The following OPCML variants were observed in gnomAD, a reference collection of about 807,000 sequenced individuals.
OPCML encodes opioid binding protein/cell adhesion molecule like.
A neutral mutation model predicts 37.8 loss-of-function variants in OPCML; 13 were observed. The ratio of observed to expected loss-of-function variants is 0.34; its 90% CI spans 0.22 to 0.55. The LOEUF is 0.55. Ranked by LOEUF, OPCML falls within the 20% of genes least tolerant of loss-of-function variation. The pLI, the probability that OPCML is intolerant of heterozygous loss-of-function variation, is 0.91. For synonymous variants in OPCML, 176 were observed against 168.8 expected, an observed-to-expected ratio of 1.04 and a Z score of -0.33; for missense variants, 341 against 435.6, an observed-to-expected ratio of 0.78 and a Z score of 1.93.
At chr11:132,849,338 C>A (rs2136323551) in intron 2 of OPCML, among the ~76,000 whole-genome samples, 1 of 152,272 alleles carries the variant, frequency 6.6e-6, no homozygotes, top group East Asian at 1.9e-4. Flanking sequence ...ATGCGGTTTC[C>A]TCACCTAGCC....
chr11:132,940,374 G>C (rs1945536787), intron 2 of OPCML, among the ~76,000 whole-genome samples: 1 of 152,218 alleles, frequency 6.6e-6, no homozygotes, highest in African/African-American at 2.4e-5. Flanking sequence ...TGATGGGCAT[G>C]GGTATCATTC....
chr11:132,548,131 C>A (rs1037036088), intron 3 of OPCML, among the ~76,000 whole-genome samples: 2 of 152,172 alleles, frequency 1.3e-5, no homozygotes, highest in African/African-American at 4.8e-5. Context: ...AATGGTTAAA[C>A]CATCTTTCCC....
chr11:132,498,808 C>T (rs1308892008), intron 4 of OPCML, among the ~76,000 whole-genome samples: 2 of 151,934 alleles, frequency 1.3e-5, no homozygotes, highest in Non-Finnish European at 2.9e-5. Flanking sequence ...TAATGTGTAT[C>T]AAGACACAGT....
intron 2 of OPCML, among the ~76,000 whole-genome samples, chr11:132,778,778 T>C (rs934617123): frequency 6.6e-6 from 1 of 152,134 alleles, no homozygotes; most frequent in South Asian, 2.1e-4. Flanking sequence ...TTAAAAGATA[T>C]GTCCAAAGTC....
At chr11:132,458,955 C>A (rs557927981) in intron 4 of OPCML, among the ~76,000 whole-genome samples, 1 of 152,252 alleles carries the variant, frequency 6.6e-6, no homozygotes, top group South Asian at 2.1e-4. Context: ...TTTGTGTACA[C>A]CAAAACTCAA....
chr11:133,512,789 C>A (rs1232013123), intron 1 of OPCML, among the ~76,000 whole-genome samples: 1 of 152,136 alleles, frequency 6.6e-6, no homozygotes, highest in African/African-American at 2.4e-5. Flanking sequence ...CTTAGGAGTT[C>A]CATGTCAGAA....
At chr11:133,005,737 A>G in intron 1 of OPCML, 1 of 979,986 alleles carries the variant, frequency 1.0e-6, no homozygotes, top group Non-Finnish European at 1.2e-6. Context: ...TCTTTTTAAA[A>G]AGCTTTTCTT....
chr11:133,155,004 T>G (rs1950036294), intron 1 of OPCML, among the ~76,000 whole-genome samples: 1 of 152,080 alleles, frequency 6.6e-6, no homozygotes, highest in African/African-American at 2.4e-5. Flanking sequence ...CCTGGGTTAG[T>G]GTAGATTGCT....
intron 1 of OPCML, among the ~76,000 whole-genome samples, chr11:133,292,888 G>C (rs1222985234): frequency 2.0e-5 from 3 of 152,090 alleles, no homozygotes; most frequent in Admixed American, 2.0e-4. Flanking sequence ...TTCATGCATG[G>C]GGATGCTCTG....
intron 3 of OPCML, among the ~76,000 whole-genome samples, chr11:132,610,506 A>G (rs1250005523): frequency 6.6e-6 from 1 of 152,176 alleles, no homozygotes; most frequent in Admixed American, 6.5e-5. Context: ...GTATCACATT[A>G]TCTCACAGGA....
chr11:133,247,426 T>C (rs1940965146), intron 1 of OPCML, among the ~76,000 whole-genome samples: 1 of 152,186 alleles, frequency 6.6e-6, no homozygotes, highest in African/African-American at 2.4e-5. Context: ...GAGTTTACAA[T>C]ACAATTGGGG....
At chr11:133,025,024 C>T in intron 1 of OPCML, 1 of 982,102 alleles carries the variant, frequency 1.0e-6, no homozygotes, top group Non-Finnish European at 1.2e-6. Flanking sequence ...TCAAACTATG[C>T]CTTAAGAAAC....
intron 1 of OPCML, among the ~76,000 whole-genome samples, chr11:133,526,334 G>A (rs1948490725): frequency 2.0e-5 from 3 of 152,208 alleles, no homozygotes; most frequent in Non-Finnish European, 2.9e-5. Flanking sequence ...GATATAGAAG[G>A]CAAGAGGGAA....
At chr11:132,723,242 T>C (rs1944742332) in intron 2 of OPCML, among the ~76,000 whole-genome samples, 1 of 152,246 alleles carries the variant, frequency 6.6e-6, no homozygotes, top group Admixed American at 6.5e-5. Context: ...ACCAAAACCG[T>C]ATATTAATGC....
intron 2 of OPCML, among the ~76,000 whole-genome samples, chr11:132,802,623 AAAATTAG>A (rs1938728491): frequency 6.6e-6 from 1 of 151,904 alleles, no homozygotes; most frequent in Non-Finnish European, 1.5e-5. Context: ...ATATGCAAAA[AAAATTAG>A]AAAATACTGT....
intron 1 of OPCML, among the ~76,000 whole-genome samples, chr11:133,130,708 C>G (rs566819530): frequency 6.6e-6 from 1 of 152,172 alleles, no homozygotes; most frequent in African/African-American, 2.4e-5. Context: ...CTACAGTGAT[C>G]CAGACAGTGT....
At chr11:132,659,704 C>CTGTGTGTGTGTGTG (rs58318033) in intron 2 of OPCML, among the ~76,000 whole-genome samples, 6 of 147,232 alleles carry the variant, frequency 4.1e-5, no homozygotes, top group African/African-American at 1.5e-4. Flanking sequence ...CACAAAATTC[C>CTGTGTGTGTGTGTG]TGTGTGTGTG....
chr11:132,680,796 G>A (rs970349145), intron 2 of OPCML, among the ~76,000 whole-genome samples: 2 of 152,150 alleles, frequency 1.3e-5, no homozygotes, highest in Non-Finnish European at 1.5e-5. Flanking sequence ...TCACTCTGGC[G>A]GTTGCATGCT....
At chr11:132,722,662 C>A (rs1304934968) in intron 2 of OPCML, among the ~76,000 whole-genome samples, 3 of 152,024 alleles carry the variant, frequency 2.0e-5, no homozygotes, top group African/African-American at 7.2e-5. Context: ...TGGTAGCTAT[C>A]TATCATGTCT....
Sources: gnomAD v4.1 joint callset for allele counts (sites outside exome capture counted in the v4.1 genomes callset) on GRCh38, gnomAD v4.1.1 for gene constraint, MANE v1.5 for transcripts, NCBI Gene and HGNC (gene_info 2026-07-23, HGNC 2026-07-21) for gene names.